ABLIM3: variants seen among roughly 807,000 people sequenced by gnomAD.
ABLIM3 encodes actin binding LIM protein family member 3.
In ABLIM3, 61 loss-of-function variants were observed where a neutral mutation model predicts 109.5. That is an observed-to-expected ratio of 0.56 (90% CI 0.45 to 0.69). The LOEUF (loss-of-function observed/expected upper bound fraction) is 0.69. ABLIM3 is among the 30% of genes least tolerant of loss of function. ABLIM3 has a pLI of 0.00. For missense variants in ABLIM3, 796 were observed against 889.5 expected (o/e 0.89, Z 1.34); for synonymous variants, 300 against 324.8 (o/e 0.92, Z 0.82).
At chr5:149,160,059 A>T (rs1030892285) in intron 2 of ABLIM3, among the ~76,000 whole-genome samples, 3 of 152,114 alleles carry the variant, frequency 2.0e-5, no homozygotes, top group African/African-American at 7.2e-5. Flanking sequence ...TTTACTTGTC[A>T]CAGACCCTTC....
chr5:149,173,971 G>C (rs1302054569), intron 2 of ABLIM3, among the ~76,000 whole-genome samples: 1 of 143,112 alleles, frequency 7.0e-6, no homozygotes, highest in Non-Finnish European at 1.5e-5. Flanking sequence ...GCAGTGAGCC[G>C]AGATCGCGCC....
At position 149,167,477 on chromosome 5, in the gene ABLIM3, T is replaced by C. The variant is rs145374600; in HGVS notation, c.14-15975T>C. Among the ~76,000 whole-genome samples, 639 of 152,326 alleles carry C rather than the reference T, an allele frequency of 4.2e-3. 2 individuals carry two copies. The highest frequency in any genetic ancestry group is 0.014 in the African/African-American group (597 of 41,576). The stretch of plus-strand genomic sequence containing the variant: ...TGCTAACATTGCAGTATCCTGACTA[T>C]GCTTTTCTTACCCTACAAGACACTT... On this transcript the variant is annotated intron_variant, in intron 2 of 23. Coordinates refer to ENST00000309868, the MANE Select transcript of ABLIM3 (RefSeq NM_014945.5).
At chr5:149,174,769 C>T (rs1013252887) in intron 2 of ABLIM3, 1 of 152,190 alleles carries the variant, frequency 6.6e-6, no homozygotes, top group Non-Finnish European at 1.5e-5. Context: ...TCTAGACCTA[C>T]TGATGCCTGT....
At position 149,200,183 on chromosome 5, in the gene ABLIM3, C is replaced by T. The variant is rs536215991; in HGVS notation, c.336-133C>T. On this transcript the variant is annotated intron_variant, in intron 4 of 23. Transcript: ENST00000309868. ...AGTTTAGTTGGCCTGTCACTGTGAA[C>T]AGCATTTGAATTTGCGTGGTGCTCT... The T allele has an allele frequency of 4.1e-6, 3 of 734,214 alleles. No homozygotes were observed. In the East Asian group the frequency reaches 8.1e-5, roughly 20 times the overall value. The allele number at this position is 734,214 out of a possible 1,614,324, so 45.5% of individuals were successfully genotyped here.
rs191320243 is a variant in ABLIM3 at position 149,142,965 on chromosome 5, G to A, written c.13+857G>A. Among the ~76,000 whole-genome samples, 3 of 152,216 alleles carry A rather than the reference G, an allele frequency of 2.0e-5. No individual in the cohort carries two copies. In the East Asian group the frequency reaches 5.8e-4, roughly 30 times the overall value. Reference sequence around the variant, plus strand: ...AGCATCGCATAGGGCTGTTGAACCAGAGAACCCCTATGAACAGTCACTTCC... The same window carrying A: ...AGCATCGCATAGGGCTGTTGAACCAAAGAACCCCTATGAACAGTCACTTCC... On this transcript the variant is annotated intron_variant, in intron 2 of 23. Transcript: ENST00000309868.
At chr5:149,211,679 C>A (rs1258267167) in intron 7 of ABLIM3, among the ~76,000 whole-genome samples, 2 of 149,086 alleles carry the variant, frequency 1.3e-5, no homozygotes, top group African/African-American at 2.5e-5. Context: ...GTTGTGGTTA[C>A]CATGAGTGCT....
At chr5:149,234,201 C>T (rs1364810378) in intron 10 of ABLIM3, among the ~76,000 whole-genome samples, 8 of 152,062 alleles carry the variant, frequency 5.3e-5, no homozygotes, top group Non-Finnish European at 1.2e-4. Context: ...GAAGGCATCC[C>T]GAGGAAGAAA....
chr5:149,199,772 G>T (rs1323386011), intron 4 of ABLIM3, among the ~76,000 whole-genome samples: 1 of 152,198 alleles, frequency 6.6e-6, no homozygotes, highest in Non-Finnish European at 1.5e-5. Context: ...TCTGTGTATG[G>T]TTCATAATTT....
intron 2 of ABLIM3, among the ~76,000 whole-genome samples, chr5:149,161,439 A>C (rs889203537): frequency 1.2e-4 from 19 of 152,114 alleles, no homozygotes; most frequent in South Asian, 8.3e-4. Context: ...TATTCTTTTC[A>C]GCAGATAATG....
chr5:149,217,901 T>A (rs1476529362), intron 8 of ABLIM3: 1 of 152,212 alleles, frequency 6.6e-6, no homozygotes, highest in African/African-American at 2.4e-5. Flanking sequence ...CCAGCGTCCA[T>A]GGTGAGGCTC....
intron 2 of ABLIM3, among the ~76,000 whole-genome samples, chr5:149,163,554 G>A (rs1581018907): frequency 6.6e-6 from 1 of 152,046 alleles, no homozygotes; most frequent in South Asian, 2.1e-4. Context: ...GCACATAGGT[G>A]GGCATCTTCC....
chr5:149,198,176 C>T lies in ABLIM3; in HGVS notation c.152-43C>T. ...CGAGGACCTTCTGCTTACAGACCCT[C>T]CCTGGACTCAACCTGCCCTTGTTTT... On this transcript the variant is annotated intron_variant, in intron 3 of 23. Coordinates refer to ENST00000309868, the MANE Select transcript of ABLIM3 (RefSeq NM_014945.5). The surrounding 1 kb of genome is among the most constrained non-coding windows in gnomAD (Gnocchi z 4.2). 1.9e-6 allele frequency: 3 copies of T among 1,581,690 alleles called. No individual in the cohort carries two copies. Among genetic ancestry groups the T allele is most frequent in the Non-Finnish European group, 2.6e-6 (3 of 1,162,714 alleles).
intron 3 of ABLIM3, among the ~76,000 whole-genome samples, chr5:149,195,000 A>G (rs768636642): frequency 2.0e-5 from 3 of 152,328 alleles, no homozygotes; most frequent in Non-Finnish European, 4.4e-5. Context: ...TGAATAATGA[A>G]TTAGATCACC....
intron 2 of ABLIM3, among the ~76,000 whole-genome samples, chr5:149,169,165 C>A (rs1755134761): frequency 7.3e-6 from 1 of 137,524 alleles, no homozygotes; most frequent in African/African-American, 3.0e-5. Flanking sequence ...GCTTTCCTAA[C>A]TGCGTAGACG....
intron 2 of ABLIM3, among the ~76,000 whole-genome samples, chr5:149,165,856 G>C (rs921855565): frequency 1.3e-5 from 2 of 152,106 alleles, no homozygotes; most frequent in Non-Finnish European, 2.9e-5. Flanking sequence ...CACAAGTACC[G>C]GGTGCTAGTC....
chr5:149,252,810 C>T lies in ABLIM3; in HGVS notation c.1911C>T (p.Pro637=), dbSNP rs187892012. 5.9e-5 allele frequency: 95 copies of T among 1,613,386 alleles called. No individual in the cohort carries two copies. In the East Asian group the frequency reaches 2.0e-3, roughly 34 times the overall value. The change falls in exon 23 of 24, where the codon CCC becomes CCT. Residue 637 remains proline, a synonymous_variant. Transcript: ENST00000309868. The part of the protein sequence containing the change: ...LVTTRGRNRL[P]KDVDRTRLER... ...CTACAAGAGGAAGAAACCGACTGCC[C>T]AAGGATGTAGACAGGACCCGTTTAG... is the stretch of plus-strand genomic sequence containing the variant.
rs570235650 is a variant in ABLIM3, at chr5:149,259,001, C to T, written c.*597C>T. 5 of 998,050 alleles carry T rather than the reference C, an allele frequency of 5.0e-6. No individual in the cohort carries two copies. The highest frequency in any genetic ancestry group is 8.9e-5 in the South Asian group (2 of 22,518). The allele number at this position is 998,050 out of a possible 1,614,324, so 61.8% of individuals were successfully genotyped here. A position where few individuals can be genotyped will look rare whatever the true frequency, so the allele number is the denominator to read the frequency against. On this transcript the variant is annotated 3_prime_UTR_variant, in exon 24 of 24. Coordinates refer to ENST00000309868, the MANE Select transcript of ABLIM3 (RefSeq NM_014945.5). Reference sequence around the variant, plus strand: ...GAAGTGGACAGGGCCTAGGCCTCTCCTCAGCTCCTTAACCCTCCTCCTTCT... The same window carrying T: ...GAAGTGGACAGGGCCTAGGCCTCTCTTCAGCTCCTTAACCCTCCTCCTTCT...
At chr5:149,232,670 C>T (rs940123063) in intron 9 of ABLIM3, among the ~76,000 whole-genome samples, 2 of 152,202 alleles carry the variant, frequency 1.3e-5, no homozygotes, top group African/African-American at 4.8e-5. Context: ...CCCTTTACAT[C>T]AGGCAGGCAC....
At chr5:149,204,312 A>G (rs1758762678) in intron 5 of ABLIM3, among the ~76,000 whole-genome samples, 1 of 152,182 alleles carries the variant, frequency 6.6e-6, no homozygotes, top group Non-Finnish European at 1.5e-5. Context: ...CTCTGCAGAC[A>G]CCAACTTGGA....
Sources: gnomAD v4.1 joint callset for allele counts (sites outside exome capture counted in the v4.1 genomes callset) on GRCh38, gnomAD v4.1.1 for gene constraint, Gnocchi (gnomAD v3.1) non-coding constraint, MANE v1.5 for transcripts, NCBI Gene and HGNC (gene_info 2026-07-23, HGNC 2026-07-21) for gene names.